The following TIAM1 variants were observed in gnomAD, a reference collection of about 807,000 sequenced individuals.
The protein encoded by TIAM1 is TIAM Rac1 associated GEF 1, also known as rho guanine nucleotide exchange factor TIAM1.
In TIAM1, 65 loss-of-function variants were observed where a neutral mutation model predicts 163.5. The ratio of observed to expected loss-of-function variants is 0.40; its 90% CI spans 0.33 to 0.49. TIAM1 has a LOEUF of 0.49. Ranked by LOEUF, TIAM1 falls within the 20% of genes least tolerant of loss-of-function variation. The probability of loss-of-function intolerance (pLI) is 0.77; values close to 1 mark genes in which losing one functional copy is unlikely to be tolerated. For synonymous variants in TIAM1, 833 were observed against 810.1 expected (o/e 1.03, Z -0.48); for missense variants, 1,789 against 2,044.7 (o/e 0.87, Z 2.41).
chr21:31,315,679 C>CAAAAAAAAAA lies in TIAM1; in HGVS notation c.-189+23554_-189+23563dup, dbSNP rs58560437. Among the ~76,000 whole-genome samples, 236 of 80,206 alleles carry CAAAAAAAAAA rather than the reference C, an allele frequency of 2.9e-3. 6 individuals are homozygous for CAAAAAAAAAA. Among genetic ancestry groups the CAAAAAAAAAA allele is most frequent in the African/African-American group, 9.2e-3 (206 of 22,328 alleles). The allele number at this position is 80,206 out of a possible 152,430, so 52.6% of individuals were successfully genotyped here. A position where few individuals can be genotyped will look rare whatever the true frequency, so the allele number is the denominator to read the frequency against. On this transcript the variant is annotated intron_variant, in intron 2 of 27. Transcript: ENST00000541036. ...GGGCAACAAGAGCAAAACTCCATCTCAAAAAAAAAAAAAAAAAAAAGGACA... is the reference window on the plus strand; with the variant it reads ...GGGCAACAAGAGCAAAACTCCATCTCAAAAAAAAAAAAAAAAAAAAAAAAAAAAAAGGACA...
intron 2 of TIAM1, among the ~76,000 whole-genome samples, chr21:31,330,115 A>G (rs1048879037): frequency 7.9e-5 from 12 of 152,170 alleles, no homozygotes; most frequent in African/African-American, 2.9e-4. Context: ...ATGAATGTAT[A>G]ATGACATGTA....
intron 4 of TIAM1, among the ~76,000 whole-genome samples, chr21:31,253,203 T>C: frequency 6.6e-6 from 1 of 152,212 alleles, no homozygotes; most frequent in East Asian, 1.9e-4. Flanking sequence ...GTCTTATGCA[T>C]AAGAAAGGAG....
At chr21:31,286,719 T>TTG (rs148038222) in intron 2 of TIAM1, among the ~76,000 whole-genome samples, 3 of 151,734 alleles carry the variant, frequency 2.0e-5, no homozygotes, top group East Asian at 1.9e-4. Flanking sequence ...TCTCAACAAA[T>TTG]TGTGTGTGTG....
chr21:31,356,127 T>C (rs2833388), intron 2 of TIAM1, among the ~76,000 whole-genome samples: 1,659 of 151,944 alleles, frequency 0.011, 27 homozygotes, highest in African/African-American at 0.038. Flanking sequence ...TCTTTAACCA[T>C]AGAAAAAAAG....
intron 15 of TIAM1, among the ~76,000 whole-genome samples, chr21:31,181,749 T>C (rs1477208967): frequency 8.1e-6 from 1 of 123,576 alleles, no homozygotes; most frequent in African/African-American, 3.2e-5. Context: ...TTCTTCTTCT[T>C]CTTCTTCTTT....
At chr21:31,421,826 C>T (rs1225534281) in intron 2 of TIAM1, among the ~76,000 whole-genome samples, 1 of 151,526 alleles carries the variant, frequency 6.6e-6, no homozygotes, top group Non-Finnish European at 1.5e-5. Flanking sequence ...CCTATCTCTA[C>T]AAAAGAAAAA....
intron 23 of TIAM1, among the ~76,000 whole-genome samples, chr21:31,135,324 T>A (rs1174694270): frequency 6.6e-6 from 1 of 152,226 alleles, no homozygotes; most frequent in Admixed American, 6.5e-5. Flanking sequence ...GATCTCTAAT[T>A]GCAGCAACTG....
intron 4 of TIAM1, among the ~76,000 whole-genome samples, chr21:31,259,629 A>AAATAAT (rs61401734): frequency 0.35 from 51,367 of 146,028 alleles, 9,266 homozygotes; most frequent in African/African-American, 0.41. Flanking sequence ...TAAAAAAATA[A>AAATAAT]AATAATAATA....
chr21:31,551,519 G>A (rs991096327), intron 1 of TIAM1, among the ~76,000 whole-genome samples: 8 of 151,888 alleles, frequency 5.3e-5, no homozygotes, highest in Non-Finnish European at 5.9e-5. Context: ...CAGGAGGATC[G>A]CTTGAGTCCA....
chr21:31,430,190 G>A lies in TIAM1; in HGVS notation c.-369+33793C>T, dbSNP rs768847888. Among the ~76,000 whole-genome samples, 377 of 129,428 alleles carry A rather than the reference G, an allele frequency of 2.9e-3. 2 individuals are homozygous for A. The highest frequency in any genetic ancestry group is 3.8e-3 in the Non-Finnish European group (242 of 63,122). 84.9% of individuals were successfully genotyped at this position (129,428 alleles called of 152,430 possible). ...CATTGCACTCCAGCCTGGGCAACAA[G>A]AGCGAAACTCCATCTCAAAGAAAAA... On this transcript the variant is annotated intron_variant, in intron 2 of 28. Transcript: ENST00000286827.
At chr21:31,169,263 C>T (rs1341786891) in intron 15 of TIAM1, among the ~76,000 whole-genome samples, 1 of 152,204 alleles carries the variant, frequency 6.6e-6, no homozygotes, top group Non-Finnish European at 1.5e-5. Flanking sequence ...CACTGCACTT[C>T]AGCCTGGCAG....
intron 4 of TIAM1, among the ~76,000 whole-genome samples, chr21:31,265,478 A>G (rs1179123625): frequency 6.6e-6 from 1 of 152,004 alleles, no homozygotes; most frequent in Non-Finnish European, 1.5e-5. Context: ...CGCACGGAAC[A>G]GGAAATTGAA....
chr21:31,530,889 T>TA (rs148701635), intron 1 of TIAM1, among the ~76,000 whole-genome samples: 2,307 of 151,104 alleles, frequency 0.015, 54 homozygotes, highest in African/African-American at 0.053. Flanking sequence ...ATTTAGAGGT[T>TA]AAAAAAAAAT....
Position 31,120,782 on chromosome 21 carries a change from C to T in TIAM1, c.4362G>A (p.Arg1454=). The T allele has an allele frequency of 6.2e-7, 1 of 1,613,996 alleles. No homozygotes were observed. Among genetic ancestry groups the T allele is most frequent in the Non-Finnish European group, 8.5e-7 (1 of 1,180,008 alleles). Residue 1454 remains arginine (R), a synonymous_variant, in exon 28 of 28, where the codon AGG becomes AGA. Transcript: ENST00000541036. The surrounding 1 kb of genome is among the most constrained non-coding windows in gnomAD (Gnocchi z 4.2). ...GRRRRRLARN[R]FTIDSDAVSA... ...AGACGGCATCAGAATCAATGGTAAA[C>T]CTGTTTCGAGCCAGCCGCCGCCTCC...
chr21:31,448,369 A>T (rs1338104836), intron 2 of TIAM1, among the ~76,000 whole-genome samples: 3 of 152,048 alleles, frequency 2.0e-5, no homozygotes, highest in African/African-American at 7.2e-5. Context: ...TTTTGAGAGG[A>T]GGAGGCGGGC....
At chr21:31,177,922 C>G (rs900994905) in intron 15 of TIAM1, among the ~76,000 whole-genome samples, 1 of 152,150 alleles carries the variant, frequency 6.6e-6, no homozygotes, top group African/African-American at 2.4e-5. Context: ...GGCTCTCTGT[C>G]GAGGACACCA....
At chr21:31,144,125 A>C (rs1004825711) in intron 20 of TIAM1, among the ~76,000 whole-genome samples, 1 of 151,966 alleles carries the variant, frequency 6.6e-6, no homozygotes, top group Non-Finnish European at 1.5e-5. Context: ...AAGAGAACAG[A>C]CTCCCTGGGT....
chr21:31,463,639 G>A (rs961135137), intron 2 of TIAM1, among the ~76,000 whole-genome samples: 3 of 151,952 alleles, frequency 2.0e-5, no homozygotes, highest in African/African-American at 4.8e-5. Flanking sequence ...CCAACATGAC[G>A]AGACCTCATC....
At chr21:31,526,820 A>C (rs2047802551) in intron 1 of TIAM1, among the ~76,000 whole-genome samples, 2 of 151,952 alleles carry the variant, frequency 1.3e-5, no homozygotes, top group South Asian at 4.2e-4. Flanking sequence ...TCCTGCCTCA[A>C]CCTCCCAAGT....
Sources: allele counts gnomAD v4.1 joint callset (sites outside exome capture counted in the v4.1 genomes callset), GRCh38; gene constraint gnomAD v4.1.1; non-coding constraint Gnocchi (gnomAD v3.1); transcripts MANE v1.5; gene names NCBI Gene and HGNC (gene_info 2026-07-23, HGNC 2026-07-21).